INSIG1: variants seen among roughly 807,000 people sequenced by gnomAD.
The protein encoded by INSIG1 is insulin-induced gene 1 protein.
In INSIG1, 14 loss-of-function variants were observed where a neutral mutation model predicts 26.5. The observed-to-expected ratio is 0.53, with a 90% confidence interval of 0.35 to 0.83. The LOEUF (loss-of-function observed/expected upper bound fraction) is 0.83, where lower values mean the gene tolerates loss of function less well. INSIG1 is among the 40% of genes least tolerant of loss of function. The pLI is 0.01. For synonymous variants in INSIG1, 147 were observed against 153.3 expected (o/e 0.96, Z 0.30); for missense variants, 272 against 368.9 (o/e 0.74, Z 2.15).
intron 5 of INSIG1, among the ~76,000 whole-genome samples, chr7:155,304,204 T>C (rs760689510): frequency 1.3e-5 from 2 of 152,144 alleles, no homozygotes; most frequent in Non-Finnish European, 2.9e-5. Context: ...GCTCAAGCCA[T>C]CCTCCCACCT....
Sources: gnomAD v4.1 joint callset for allele counts (sites outside exome capture counted in the v4.1 genomes callset) on GRCh38, gnomAD v4.1.1 for gene constraint, MANE v1.5 for transcripts, NCBI Gene and HGNC (gene_info 2026-07-23, HGNC 2026-07-21) for gene names.